The following DET1 variants were observed in gnomAD, a reference collection of about 807,000 sequenced individuals.
The protein encoded by DET1 is DET1 homolog.
DET1 carries 22 observed loss-of-function variants against 43.7 expected under a neutral mutation model. The observed-to-expected ratio is 0.50, with a 90% CI of 0.36 to 0.72. The LOEUF is 0.72. Ranked by LOEUF, DET1 falls within the 30% of genes least tolerant of loss-of-function variation. The pLI, the probability that DET1 is intolerant of heterozygous loss-of-function variation, is 0.00. For synonymous variants in DET1, 315 were observed against 266.2 expected (o/e 1.18, Z -1.79); for missense variants, 713 against 713.3 (o/e 1.00, Z 0.00).
downstream of DET1, among the ~76,000 whole-genome samples, chr15:88,511,269 G>C (rs2056198042): frequency 6.6e-6 from 1 of 152,080 alleles, no homozygotes; most frequent in African/African-American, 2.4e-5. Flanking sequence ...CTTCTAGACT[G>C]CTGAAAGTTA....
intron 7 of DET1, among the ~76,000 whole-genome samples, chr15:88,507,037 A>T (rs183297115): frequency 1.2e-3 from 177 of 152,332 alleles, no homozygotes; most frequent in Middle Eastern, 3.4e-3. Context: ...AATAAAACTA[A>T]TATACAAAAA....
At chr15:88,513,213 C>G in intron 4 of DET1, 73 bp from the exon 5 acceptor site, 1 of 1,444,164 alleles carries the variant, frequency 6.9e-7, no homozygotes, top group South Asian at 1.4e-5. Flanking sequence ...GAAATCTAGA[C>G]AGCAGGGGAA....
Position 88,513,068 on chromosome 15 carries a change from G to C in DET1, c.1536C>G (p.His512Gln). Residue 512 changes from histidine (H) to glutamine (Q), a missense_variant, in exon 5 of 5, where the codon CAC becomes CAG. Physicochemically the swap from His to Gln is conservative, Grantham distance 24 (BLOSUM62 0). Coordinates refer to ENST00000268148, the MANE Select transcript of DET1 (RefSeq NM_001144074.3). ...TGAAGGCAACAAGGCGTCGCACTGTGTGGTTGATGGGGCGGCCCAATAACC... is the reference window on the plus strand; with the variant it reads ...TGAAGGCAACAAGGCGTCGCACTGTCTGGTTGATGGGGCGGCCCAATAACC... ...QAGLLGRPIN[H>Q]TVRRLVAFTF... 6.2e-7 allele frequency: 1 copy of C among 1,614,086 alleles called. No individual in the cohort carries two copies.
At chr15:88,529,048 CTG>C (rs2056743528) in intron 2 of DET1, among the ~76,000 whole-genome samples, 4 of 152,190 alleles carry the variant, frequency 2.6e-5, no homozygotes, top group African/African-American at 9.7e-5. Flanking sequence ...GAGTTACAAA[CTG>C]TGTAAGCAAA....
At chr15:88,511,617 A>G, downstream of DET1, 2 of 983,720 alleles carry the variant, frequency 2.0e-6, no homozygotes, top group South Asian at 9.4e-5. Flanking sequence ...CTGTTATTGT[A>G]CTGTATTATA....
intron 1 of DET1, among the ~76,000 whole-genome samples, chr15:88,534,758 G>A (rs1385338601): frequency 6.6e-6 from 1 of 152,172 alleles, no homozygotes; most frequent in Non-Finnish European, 1.5e-5. Context: ...TCTGCCATTA[G>A]AACCATAGCC....
At chr15:88,509,835 T>C (rs553357547), downstream of DET1, among the ~76,000 whole-genome samples, 1 of 152,324 alleles carries the variant, frequency 6.6e-6, no homozygotes, top group African/African-American at 2.4e-5. Flanking sequence ...GGGAGTGATG[T>C]GTGATCCTAA....
intron 7 of DET1, among the ~76,000 whole-genome samples, chr15:88,506,357 C>G (rs902877687): frequency 2.0e-5 from 3 of 152,116 alleles, no homozygotes; most frequent in Admixed American, 1.3e-4. Context: ...GATAAAGAAT[C>G]CAAGTCCTAC....
chr15:88,515,098 A>T (rs573328270), intron 4 of DET1, among the ~76,000 whole-genome samples: 126 of 152,232 alleles, frequency 8.3e-4, no homozygotes, highest in Non-Finnish European at 1.5e-3. Flanking sequence ...TTTACAGGAC[A>T]TATGGGTAAA....
chr15:88,541,662 G>A (rs1349807360), intron 1 of DET1, among the ~76,000 whole-genome samples: 1 of 152,202 alleles, frequency 6.6e-6, no homozygotes, highest in East Asian at 1.9e-4. Flanking sequence ...CGTGTGGCGG[G>A]TTGTTACTGG....
At chr15:88,510,060 G>A (rs964897292), downstream of DET1, among the ~76,000 whole-genome samples, 1 of 152,210 alleles carries the variant, frequency 6.6e-6, no homozygotes. Context: ...TTTAGCTATA[G>A]CAGTTTATCC....
intron 1 of DET1, among the ~76,000 whole-genome samples, chr15:88,535,034 AT>A (rs1362210455): frequency 6.6e-6 from 1 of 152,234 alleles, no homozygotes; most frequent in Non-Finnish European, 1.5e-5. Flanking sequence ...TATTATAAAA[AT>A]GTTCCAATAA....
Position 88,541,703 on chromosome 15 carries a change from T to C in DET1, c.-11+4837A>G, listed in dbSNP as rs144900888. 3.8e-3 allele frequency among the ~76,000 whole-genome samples: 581 copies of C among 152,318 alleles called. 4 individuals are homozygous for C. The highest frequency in any genetic ancestry group is 0.013 in the African/African-American group (546 of 41,576). On this transcript the variant is annotated intron_variant, in intron 1 of 4. Transcript: ENST00000268148. ...CTGGCCACCCTGATCAGTTTCCCTA[T>C]ATCAATCAATGGTTAAGTTTGATTA...
chr15:88,519,660 G>A (rs76527468), intron 3 of DET1, among the ~76,000 whole-genome samples: 6,172 of 152,082 alleles, frequency 0.041, 411 homozygotes, highest in African/African-American at 0.14. Flanking sequence ...AAATCACTCC[G>A]TTGCACACAT....
chr15:88,535,864 G>C (rs2056936002), intron 1 of DET1, among the ~76,000 whole-genome samples: 1 of 152,084 alleles, frequency 6.6e-6, no homozygotes, highest in Non-Finnish European at 1.5e-5. Context: ...AAGGGAAGGA[G>C]GAAGGAAATT....
At chr15:88,524,405 C>T (rs1441157916) in intron 3 of DET1, among the ~76,000 whole-genome samples, 2 of 152,160 alleles carry the variant, frequency 1.3e-5, no homozygotes, top group African/African-American at 4.8e-5. Context: ...GCCCGGCTGC[C>T]CCGTCTGGGA....
At chr15:88,525,562 G>T (rs566088484) in intron 3 of DET1, among the ~76,000 whole-genome samples, 48 of 152,302 alleles carry the variant, frequency 3.2e-4, no homozygotes, top group African/African-American at 1.1e-3. Context: ...TGGTGTTGTG[G>T]ATATGGCAGT....
intron 4 of DET1, among the ~76,000 whole-genome samples, chr15:88,513,716 C>T (rs1331286239): frequency 3.4e-5 from 5 of 146,912 alleles, no homozygotes; most frequent in Admixed American, 1.4e-4. Flanking sequence ...CCAATTGCCA[C>T]ATGTGGCTAG....
intron 4 of DET1, among the ~76,000 whole-genome samples, chr15:88,513,875 C>A (rs1326475898): frequency 2.2e-5 from 3 of 138,608 alleles, no homozygotes; most frequent in Non-Finnish European, 4.5e-5. Flanking sequence ...TCTCGGCTCA[C>A]TGCAAGCTCC....
Sources: gnomAD v4.1 joint callset for allele counts (sites outside exome capture counted in the v4.1 genomes callset) on GRCh38, gnomAD v4.1.1 for gene constraint, MANE v1.5 for transcripts, NCBI Gene and HGNC (gene_info 2026-07-23, HGNC 2026-07-21) for gene names.